The following AGBL4 variants were observed in gnomAD, a reference collection of about 807,000 sequenced individuals.
The protein encoded by AGBL4 is cytosolic carboxypeptidase 6.
A neutral mutation model predicts 66.4 loss-of-function variants in AGBL4; 58 were observed. That is an observed-to-expected ratio of 0.87 (90% CI 0.71 to 1.09). AGBL4 has a LOEUF of 1.09. Among genes scored for constraint, AGBL4 ranks in the 50% least tolerant of loss-of-function variants. AGBL4 has a pLI of 0.00. For missense variants in AGBL4, 579 were observed against 631.0 expected, an observed-to-expected ratio of 0.92 and a Z score of 0.88; for synonymous variants, 234 against 222.9, an observed-to-expected ratio of 1.05 and a Z score of -0.44.
At chr1:49,292,802 C>T (rs1644567898) in intron 3 of AGBL4, among the ~76,000 whole-genome samples, 1 of 152,156 alleles carries the variant, frequency 6.6e-6, no homozygotes. Context: ...ACTCCAAGGT[C>T]CCCTCTGAGC....
intron 2 of AGBL4, among the ~76,000 whole-genome samples, chr1:49,713,121 C>CA: frequency 6.6e-6 from 1 of 151,980 alleles, no homozygotes; most frequent in South Asian, 2.1e-4. Flanking sequence ...TTTATCTTTG[C>CA]AAAAAGATAT....
At chr1:49,760,926 A>C (rs576179025) in intron 2 of AGBL4, among the ~76,000 whole-genome samples, 4 of 152,268 alleles carry the variant, frequency 2.6e-5, no homozygotes, top group African/African-American at 9.6e-5. Context: ...AGAAACAGAA[A>C]ACCAAATATC....
chr1:48,771,129 A>T (rs1422948437), intron 6 of AGBL4, among the ~76,000 whole-genome samples: 1 of 152,228 alleles, frequency 6.6e-6, no homozygotes, highest in Non-Finnish European at 1.5e-5. Flanking sequence ...ATTTCCCTGG[A>T]GTATAAGACT....
At chr1:49,284,858 C>A (rs164828) in intron 3 of AGBL4, among the ~76,000 whole-genome samples, 11,973 of 150,344 alleles carry the variant, frequency 0.08, 656 homozygotes, top group African/African-American at 0.16. Flanking sequence ...TACAGGAGCA[C>A]CCAGATTCAT....
At chr1:49,695,251 T>C (rs538622272) in intron 3 of AGBL4, among the ~76,000 whole-genome samples, 1 of 152,292 alleles carries the variant, frequency 6.6e-6, no homozygotes, top group Middle Eastern at 3.4e-3. Flanking sequence ...TTCAGAATTA[T>C]TGTTTGTTTT....
intron 5 of AGBL4, among the ~76,000 whole-genome samples, chr1:49,004,746 G>A (rs1661649127): frequency 6.6e-6 from 1 of 152,168 alleles, no homozygotes; most frequent in African/African-American, 2.4e-5. Context: ...GAAGTAAGGG[G>A]GACATTTGAT....
chr1:49,599,847 T>C (rs558458139), intron 3 of AGBL4, among the ~76,000 whole-genome samples: 5 of 152,332 alleles, frequency 3.3e-5, no homozygotes, highest in Admixed American at 3.3e-4. Flanking sequence ...AACTTACATA[T>C]TCCTGCCTTA....
chr1:49,261,261 C>T (rs1482476147), intron 3 of AGBL4, among the ~76,000 whole-genome samples: 4 of 151,704 alleles, frequency 2.6e-5, no homozygotes, highest in African/African-American at 9.7e-5. Context: ...GACAGGGATG[C>T]CCTCTCTCAC....
chr1:49,475,843 GT>G (rs35252514), intron 3 of AGBL4, among the ~76,000 whole-genome samples: 1 of 151,978 alleles, frequency 6.6e-6, no homozygotes, highest in Non-Finnish European at 1.5e-5. Flanking sequence ...GTAGCAAGCA[GT>G]TTATCAATCT....
At chr1:49,502,225 G>A (rs1459771413) in intron 3 of AGBL4, among the ~76,000 whole-genome samples, 1 of 152,090 alleles carries the variant, frequency 6.6e-6, no homozygotes, top group Non-Finnish European at 1.5e-5. Context: ...CTGCACTGTT[G>A]GCTTTCCTAC....
intron 5 of AGBL4, among the ~76,000 whole-genome samples, chr1:48,918,355 G>A (rs144350552): frequency 7.7e-4 from 117 of 152,334 alleles, no homozygotes; most frequent in African/African-American, 2.7e-3. Flanking sequence ...TTGATAGGAT[G>A]ATGTCAGTGA....
intron 3 of AGBL4, among the ~76,000 whole-genome samples, chr1:49,562,052 T>C (rs968809708): frequency 2.0e-5 from 3 of 152,300 alleles, no homozygotes; most frequent in South Asian, 2.1e-4. Flanking sequence ...ATTTCTCTGA[T>C]GGCCAGTGAT....
chr1:49,816,384 A>C (rs1645231087), intron 2 of AGBL4, among the ~76,000 whole-genome samples: 1 of 152,210 alleles, frequency 6.6e-6, no homozygotes, highest in South Asian at 2.1e-4. Context: ...AAGGTTCCAA[A>C]AGGTCTAGGT....
intron 6 of AGBL4, chr1:48,776,695 T>G: frequency 1.3e-6 from 2 of 1,515,002 alleles, no homozygotes; most frequent in Non-Finnish European, 1.8e-6. Context: ...GGCGCCCAAT[T>G]CCTCCGGGCC....
intron 3 of AGBL4, among the ~76,000 whole-genome samples, chr1:49,453,405 G>C (rs1368012032): frequency 2.6e-5 from 4 of 151,764 alleles, no homozygotes; most frequent in African/African-American, 9.7e-5. Context: ...GTTATGGTAT[G>C]ATATGGCACC....
intron 4 of AGBL4, among the ~76,000 whole-genome samples, chr1:49,167,163 T>C (rs953891078): frequency 6.6e-6 from 1 of 152,208 alleles, no homozygotes; most frequent in African/African-American, 2.4e-5. Context: ...AAAATACAAG[T>C]TTCTTAACAA....
intron 5 of AGBL4, among the ~76,000 whole-genome samples, chr1:48,887,457 C>A (rs1349420561): frequency 2.0e-5 from 3 of 152,002 alleles, no homozygotes; most frequent in African/African-American, 4.8e-5. Flanking sequence ...TAAGAGGGAA[C>A]TAATGTTTGG....
At chr1:48,717,045 C>T (rs901233462) in intron 6 of AGBL4, among the ~76,000 whole-genome samples, 2 of 152,210 alleles carry the variant, frequency 1.3e-5, no homozygotes, top group South Asian at 2.1e-4. Context: ...CTTCAGGCCA[C>T]GTCTGTATTT....
intron 1 of AGBL4, among the ~76,000 whole-genome samples, chr1:49,996,935 G>C (rs1338082981): frequency 6.6e-6 from 1 of 152,132 alleles, no homozygotes; most frequent in African/African-American, 2.4e-5. Context: ...GCAATTATCA[G>C]CCAAAAATTT....
Sources: gnomAD v4.1 joint callset for allele counts (sites outside exome capture counted in the v4.1 genomes callset) on GRCh38, gnomAD v4.1.1 for gene constraint, MANE v1.5 for transcripts, NCBI Gene and HGNC (gene_info 2026-07-23, HGNC 2026-07-21) for gene names.